The following SP140 variants were observed in gnomAD, a reference collection of about 807,000 sequenced individuals.
SP140 encodes the protein nuclear body protein SP140.
Under a neutral mutation model 125.0 loss-of-function variants are expected in SP140, and 81 were observed. The observed-to-expected ratio is 0.65, with a 90% CI of 0.54 to 0.78. SP140 has a LOEUF of 0.78. SP140 is among the 30% of genes least tolerant of loss of function. The pLI is 0.00. For synonymous variants in SP140, 312 were observed against 354.0 expected, an observed-to-expected ratio of 0.88 and a Z score of 1.33; for missense variants, 858 against 1,037.0, an observed-to-expected ratio of 0.83 and a Z score of 2.37.
intron 8 of SP140, among the ~76,000 whole-genome samples, chr2:230,248,599 T>G (rs201083202): frequency 1.3e-5 from 2 of 151,960 alleles, no homozygotes; most frequent in East Asian, 3.9e-4. Context: ...ATGGTATCAC[T>G]GAAAAAGAAA....
intron 12 of SP140, among the ~76,000 whole-genome samples, chr2:230,267,435 G>T (rs7605534): frequency 0.024 from 3,606 of 152,288 alleles, 168 homozygotes; most frequent in African/African-American, 0.081. Context: ...TGAAAACAGT[G>T]TTCCTCAGAT....
chr2:230,247,236 G>A (rs1308758789), intron 7 of SP140, among the ~76,000 whole-genome samples: 1 of 152,076 alleles, frequency 6.6e-6, no homozygotes, highest in Non-Finnish European at 1.5e-5. Flanking sequence ...CTCTCCATTT[G>A]GATGTTTTTC....
At chr2:230,294,614 C>G (rs915377912) in intron 21 of SP140, among the ~76,000 whole-genome samples, 1 of 152,096 alleles carries the variant, frequency 6.6e-6, no homozygotes, top group Non-Finnish European at 1.5e-5. Context: ...TAAGAGTGTC[C>G]AAGTTGGAAA....
At chr2:230,303,143 A>C (rs376486797) in intron 22 of SP140, among the ~76,000 whole-genome samples, 12 of 152,356 alleles carry the variant, frequency 7.9e-5, no homozygotes, top group African/African-American at 2.6e-4. Context: ...AAGATAAACA[A>C]AATTGATACA....
At chr2:230,275,359 C>G (rs959162530) in intron 15 of SP140, among the ~76,000 whole-genome samples, 3 of 152,060 alleles carry the variant, frequency 2.0e-5, no homozygotes, top group South Asian at 2.1e-4. Flanking sequence ...CACTTTGTGT[C>G]TCTGTCACAT....
chr2:230,288,458 T>TTTC (rs1419970604), intron 18 of SP140, among the ~76,000 whole-genome samples: 2 of 32,708 alleles, frequency 6.1e-5, no homozygotes, highest in East Asian at 9.3e-4. Context: ...GCCAACTATC[T>TTTC]TTCTTTCTTT....
chr2:230,288,016 C>T (rs546463913), intron 18 of SP140, 50 bp downstream of exon 18: 16 of 1,459,120 alleles, frequency 1.1e-5, no homozygotes, highest in Middle Eastern at 3.5e-4. Context: ...ATCTAATTTC[C>T]TGTGCGGTAC....
intron 11 of SP140, 118 bp from the exon 12 acceptor site, chr2:230,255,334 G>A: frequency 2.6e-6 from 3 of 1,148,164 alleles, no homozygotes; most frequent in Admixed American, 2.0e-5. Flanking sequence ...GGACCTGGGT[G>A]GGGGACAGCC....
chr2:230,225,594 G>T, upstream of SP140: 1 of 565,538 alleles, frequency 1.8e-6, no homozygotes, highest in South Asian at 2.0e-5. Flanking sequence ...TCCTTGGCAG[G>T]AACAAGTGAC....
In SP140 at chr2:230,211,550, G is replaced by C. The variant is rs754038132; in HGVS notation, c.-322-2104G>C. 7 of 1,596,310 alleles carry C rather than the reference G, an allele frequency of 4.4e-6. No individual in the cohort carries two copies. Among genetic ancestry groups the C allele is most frequent in the Non-Finnish European group, 6.0e-6 (7 of 1,163,932 alleles). ...TATTTGGGGGATCAGGTTGTCACTG[G>C]CCACTGAATGGAGGAAGAAAAAGTT... On this transcript the variant is annotated intron_variant, in intron 1 of 4. Transcript: ENST00000456542. The surrounding 1 kb of genome is among the most constrained non-coding windows in gnomAD (Gnocchi z 4.2).
chr2:230,231,687 A>G (rs2047266234), intron 1 of SP140, among the ~76,000 whole-genome samples: 2 of 152,078 alleles, frequency 1.3e-5, no homozygotes, highest in South Asian at 4.1e-4. Flanking sequence ...TTACTTTTAA[A>G]AGAATTTCTC....
At chr2:230,288,926 A>T (rs2056799271) in intron 18 of SP140, among the ~76,000 whole-genome samples, 1 of 152,186 alleles carries the variant, frequency 6.6e-6, no homozygotes, top group Non-Finnish European at 1.5e-5. Flanking sequence ...GCTGCAATAA[A>T]CACACGTGTG....
chr2:230,297,990 C>A (rs1047189001), intron 22 of SP140, among the ~76,000 whole-genome samples: 4 of 152,282 alleles, frequency 2.6e-5, no homozygotes, highest in African/African-American at 9.6e-5. Context: ...GGAGTACATA[C>A]AAGGCAAGGG....
chr2:230,282,768 A>G (rs538543572), intron 15 of SP140, among the ~76,000 whole-genome samples: 5 of 152,350 alleles, frequency 3.3e-5, no homozygotes, highest in Admixed American at 1.3e-4. Context: ...CACAATCCCA[A>G]GGGCACACGT....
chr2:230,222,821 T>A (rs1392021665), upstream of SP140, among the ~76,000 whole-genome samples: 1 of 151,292 alleles, frequency 6.6e-6, no homozygotes, highest in African/African-American at 2.4e-5. Context: ...CACCACAGAT[T>A]AGTTTCGTGT....
At chr2:230,314,468 G>A (rs1248386930), downstream of SP140, among the ~76,000 whole-genome samples, 7 of 152,208 alleles carry the variant, frequency 4.6e-5, no homozygotes, top group Admixed American at 4.6e-4. Context: ...CCAGATACGT[G>A]AGAATTATTG....
chr2:230,307,982 T>TATATATATATATATAA (rs2058950921), intron 22 of SP140, among the ~76,000 whole-genome samples: 1 of 93,612 alleles, frequency 1.1e-5, no homozygotes, highest in Non-Finnish European at 2.2e-5. Flanking sequence ...TATATATATA[T>TATATATATATATATAA]ATATATATAC....
chr2:230,188,037 G>A, the SP140 span, among the ~76,000 whole-genome samples: 2 of 151,996 alleles, frequency 1.3e-5, no homozygotes, highest in Non-Finnish European at 2.9e-5. Context: ...AAATGATGTT[G>A]ATATTTGATA....
upstream of SP140, chr2:230,221,811 CA>C: frequency 8.2e-7 from 1 of 1,223,680 alleles, no homozygotes. Context: ...CAGGCAAATG[CA>C]AAACAAACAA....
Sources: gnomAD v4.1 joint callset for allele counts (sites outside exome capture counted in the v4.1 genomes callset) on GRCh38, gnomAD v4.1.1 for gene constraint, Gnocchi (gnomAD v3.1) non-coding constraint, MANE v1.5 for transcripts, NCBI Gene and HGNC (gene_info 2026-07-23, HGNC 2026-07-21) for gene names.